PTPN4: variants seen among roughly 807,000 people sequenced by gnomAD.
PTPN4 encodes the protein tyrosine-protein phosphatase non-receptor type 4.
Under a neutral mutation model 135.5 loss-of-function variants are expected in PTPN4, and 49 were observed. That is an observed-to-expected ratio of 0.36 (90% CI 0.29 to 0.46). The LOEUF is 0.46. PTPN4 is among the 20% of genes least tolerant of loss of function. The pLI is 1.00. For missense variants in PTPN4, 860 were observed against 1,101.0 expected, an observed-to-expected ratio of 0.78 and a Z score of 3.10; for synonymous variants, 333 against 369.9, an observed-to-expected ratio of 0.90 and a Z score of 1.14.
At chr2:119,893,454 G>A (rs568026322) in intron 9 of PTPN4, among the ~76,000 whole-genome samples, 10 of 152,274 alleles carry the variant, frequency 6.6e-5, no homozygotes, top group African/African-American at 2.2e-4. Flanking sequence ...AAATCCTCAC[G>A]AAAGAGGGGT....
chr2:119,924,280 TTTTTATC>T (rs1678783414), intron 12 of PTPN4, among the ~76,000 whole-genome samples: 1 of 152,088 alleles, frequency 6.6e-6, no homozygotes, highest in African/African-American at 2.4e-5. Context: ...ATGGCAGTCT[TTTTTATC>T]TTTTATTTCA....
chr2:119,805,771 T>G (rs1445739765), intron 1 of PTPN4, among the ~76,000 whole-genome samples: 1 of 152,212 alleles, frequency 6.6e-6, no homozygotes, highest in African/African-American at 2.4e-5. Flanking sequence ...TGGGCTCTTT[T>G]TTGGTTCTAT....
chr2:119,844,636 C>G (rs368603510), intron 2 of PTPN4, among the ~76,000 whole-genome samples: 39,551 of 149,864 alleles, frequency 0.26, 5,163 homozygotes, highest in South Asian at 0.32. Context: ...CAGAGGCGCT[C>G]CCCACATCTC....
In PTPN4 at chr2:119,760,352, C is replaced by A; in HGVS notation, c.-50C>A. 2 of 392,996 alleles carry A rather than the reference C, an allele frequency of 5.1e-6. No individual in the cohort carries two copies. The highest frequency in any genetic ancestry group is 9.0e-6 in the Non-Finnish European group (2 of 222,828). 24.3% of individuals were successfully genotyped at this position (392,996 alleles called of 1,614,324 possible). A position where few individuals can be genotyped will look rare whatever the true frequency, so the allele number is the denominator to read the frequency against. On this transcript the variant is annotated 5_prime_UTR_variant, in exon 1 of 27. Coordinates refer to ENST00000263708, the MANE Select transcript of PTPN4 (RefSeq NM_002830.4). ...GCCGGGGCCTCGAGGCTTTTTTTCT[C>A]CAGCCGAGAGGACGCGGCTGTGATA...
At chr2:119,900,311 C>A (rs3106240) in intron 9 of PTPN4, among the ~76,000 whole-genome samples, 57,824 of 151,794 alleles carry the variant, frequency 0.38, 12,974 homozygotes, top group African/African-American at 0.64. Flanking sequence ...ACTCTGAATT[C>A]CTCCATGTTT....
At chr2:119,928,570 TC>T (rs2105034567) in intron 13 of PTPN4, among the ~76,000 whole-genome samples, 1 of 152,274 alleles carries the variant, frequency 6.6e-6, no homozygotes, top group East Asian at 1.9e-4. Context: ...TGTCTTCTAA[TC>T]AAAAAATCCT....
chr2:119,886,698 A>C (rs2105005665), intron 9 of PTPN4, among the ~76,000 whole-genome samples: 1 of 152,342 alleles, frequency 6.6e-6, no homozygotes, highest in East Asian at 1.9e-4. Flanking sequence ...AATTATTTTC[A>C]ATCATGTTAA....
chr2:119,959,241 C>CT (rs35313672), intron 22 of PTPN4, among the ~76,000 whole-genome samples: 84,546 of 147,716 alleles, frequency 0.57, 26,142 homozygotes, highest in East Asian at 0.77. Context: ...CTGATAAGGC[C>CT]TTTTTTTTTT....
chr2:119,948,894 GGTATTCT>G (rs1455084498), intron 18 of PTPN4, among the ~76,000 whole-genome samples: 18 of 152,246 alleles, frequency 1.2e-4, no homozygotes, highest in African/African-American at 4.1e-4. Flanking sequence ...TGGAATTACA[GGTATTCT>G]GTATTTTTTT....
chr2:119,903,505 C>T lies in PTPN4; in HGVS notation c.764+2699C>T, dbSNP rs183644321. 4.6e-5 allele frequency among the ~76,000 whole-genome samples: 7 copies of T among 152,082 alleles called. No individual in the cohort carries two copies. The East Asian group carries it at 1.2e-3, about 25-fold the overall frequency. ...GATGTGCCTCGCCCTCAGCTACCAC[C>T]TCCAGACACTGTTGGAGTCTAGGCA... On this transcript the variant is annotated intron_variant, in intron 10 of 26. Transcript: ENST00000263708.
chr2:119,967,348 C>G (rs1380202554), intron 25 of PTPN4, among the ~76,000 whole-genome samples: 1 of 152,136 alleles, frequency 6.6e-6, no homozygotes, highest in East Asian at 1.9e-4. Flanking sequence ...ACTCGAGAGG[C>G]TGAGGCAGGA....
At chr2:119,955,717 C>T (rs549380130) in intron 20 of PTPN4, among the ~76,000 whole-genome samples, 1 of 152,132 alleles carries the variant, frequency 6.6e-6, no homozygotes, top group East Asian at 1.9e-4. Context: ...GCGGGCGGAT[C>T]ACAAGGTCAG....
chr2:119,833,841 A>AT (rs1219780555), intron 2 of PTPN4, among the ~76,000 whole-genome samples: 2 of 151,958 alleles, frequency 1.3e-5, no homozygotes, highest in African/African-American at 2.4e-5. Context: ...TTATGGGAGG[A>AT]TTTTTCCCCC....
intron 10 of PTPN4, among the ~76,000 whole-genome samples, chr2:119,914,864 A>G (rs1678628436): frequency 6.6e-6 from 1 of 152,288 alleles, no homozygotes; most frequent in South Asian, 2.1e-4. Context: ...AAGTAATGAA[A>G]TCTTACATTT....
intron 6 of PTPN4, 46 bp from the exon 7 acceptor site, chr2:119,882,051 T>A (rs1391439712): frequency 6.7e-7 from 1 of 1,496,270 alleles, no homozygotes; most frequent in South Asian, 1.1e-5. Context: ...CTTTTGAAAT[T>A]GCTATGTTTA....
chr2:119,957,727 T>G (rs1384102431), intron 22 of PTPN4, among the ~76,000 whole-genome samples: 1 of 152,164 alleles, frequency 6.6e-6, no homozygotes, highest in African/African-American at 2.4e-5. Context: ...CATGTACACA[T>G]CACTCAGTTT....
chr2:119,889,425 GA>G (rs757993261), intron 9 of PTPN4, among the ~76,000 whole-genome samples: 5 of 150,600 alleles, frequency 3.3e-5, no homozygotes, highest in East Asian at 1.9e-4. Flanking sequence ...GTCTCAAAAA[GA>G]AAAAAAAAGT....
chr2:119,876,375 T>G (rs1029811474), intron 3 of PTPN4, among the ~76,000 whole-genome samples: 1 of 152,124 alleles, frequency 6.6e-6, no homozygotes, highest in African/African-American at 2.4e-5. Flanking sequence ...ATTGATAAAT[T>G]CTAGATACAG....
intron 2 of PTPN4, among the ~76,000 whole-genome samples, chr2:119,843,218 C>CTTTTTTTTT (rs779045976): frequency 9.3e-6 from 1 of 107,290 alleles, no homozygotes; most frequent in African/African-American, 3.6e-5. Context: ...ATGCATTTTT[C>CTTTTTTTTT]TTTTTTTTTT....
Sources: gnomAD v4.1 joint callset for allele counts (sites outside exome capture counted in the v4.1 genomes callset) on GRCh38, gnomAD v4.1.1 for gene constraint, MANE v1.5 for transcripts, NCBI Gene and HGNC (gene_info 2026-07-23, HGNC 2026-07-21) for gene names.